The following PAX2 variants were observed in gnomAD, a reference collection of about 807,000 sequenced individuals.
The protein encoded by PAX2 is paired box 2, also known as paired box protein Pax-2.
In PAX2, 9 loss-of-function variants were observed where a neutral mutation model predicts 41.7. That is an observed-to-expected ratio of 0.22 (90% CI 0.13 to 0.38). The LOEUF (loss-of-function observed/expected upper bound fraction) is 0.38, where lower values mean the gene tolerates loss of function less well. Ranked by LOEUF, PAX2 falls within the 10% of genes least tolerant of loss-of-function variation. The pLI is 1.00. For synonymous variants in PAX2, 221 were observed against 212.7 expected, an observed-to-expected ratio of 1.04 and a Z score of -0.34; for missense variants, 418 against 531.6, an observed-to-expected ratio of 0.79 and a Z score of 2.10.
At position 100,750,848 on chromosome 10, in the gene PAX2, A is replaced by G; in HGVS notation, c.367A>G (p.Ile123Val). Residue 123 changes from isoleucine (I) to valine (V), a missense_variant, in exon 3 of 10, where the codon ATC becomes GTC. By Grantham distance (29) the Ile-to-Val change is conservative. Coordinates refer to ENST00000355243, the MANE Select transcript of PAX2 (RefSeq NM_000278.5). This position sits in a 1 kb window ranked among gnomAD's most constrained non-coding sequence, Gnocchi z 4.1. ...TCGAGACCGGCTCCTGGCCGAGGGC[A>G]TCTGTGACAATGACACAGTGCCCAG... ...EIRDRLLAEG[I>V]CDNDTVPSVS... 6.2e-7 allele frequency: 1 copy of G among 1,614,128 alleles called. No homozygotes were observed. Among genetic ancestry groups the G allele is most frequent in the Non-Finnish European group, 8.5e-7 (1 of 1,180,022 alleles).
chr10:100,826,969 C>CT lies in PAX2; in HGVS notation c.1022-38dup, dbSNP rs762374717. On this transcript the variant is annotated intron_variant, in intron 8 of 9. Coordinates refer to ENST00000355243, the MANE Select transcript of PAX2 (RefSeq NM_000278.5). This position sits in a 1 kb window ranked among gnomAD's most constrained non-coding sequence, Gnocchi z 5.5. ...GCCGGACTCGTGGGGTCCGCCCTGG[C>CT]TTGCAGGCGTCTGATCCCCACTCCC... The CT allele has an allele frequency of 4.9e-6, 7 of 1,428,522 alleles. No homozygotes were observed. In the South Asian group the frequency reaches 8.0e-5, roughly 16 times the overall value. 88.5% of individuals were successfully genotyped at this position (1,428,522 alleles called of 1,614,324 possible).
rs1848603670 is a variant in PAX2 at position 100,827,187 on chromosome 10, C to T, written c.1108+92C>T. ...CCCGGCGACCCGACCTCTGGGGACCCGGCCGGGCCAGGGGGACAGGCTTGT... is the reference window on the plus strand; with the variant it reads ...CCCGGCGACCCGACCTCTGGGGACCTGGCCGGGCCAGGGGGACAGGCTTGT... On this transcript the variant is annotated intron_variant, in intron 9 of 9. Transcript: ENST00000355243. This position sits in a 1 kb window ranked among gnomAD's most constrained non-coding sequence, Gnocchi z 8.5. 1 of 1,058,730 alleles carries T rather than the reference C, an allele frequency of 9.4e-7. No individual in the cohort carries two copies. Among genetic ancestry groups the T allele is most frequent in the Admixed American group, 1.8e-5 (1 of 55,344 alleles). The allele number at this position is 1,058,730 out of a possible 1,614,324, so 65.6% of individuals were successfully genotyped here.
At chr10:100,767,468 T>C (rs1468756891) in intron 3 of PAX2, among the ~76,000 whole-genome samples, 4 of 151,994 alleles carry the variant, frequency 2.6e-5, no homozygotes. Context: ...TCGCTGTTAG[T>C]GAAAATGACA....
In PAX2 at chr10:100,745,850, G is replaced by A; in HGVS notation, c.-411G>A. 1.9e-6 allele frequency: 2 copies of A among 1,028,520 alleles called. No homozygotes were observed. The highest frequency in any genetic ancestry group is 2.3e-6 in the Non-Finnish European group (2 of 856,608). 63.7% of individuals were successfully genotyped at this position (1,028,520 alleles called of 1,614,324 possible). ...CTCCCGGCGCCCTCTGACCGCCCCC[G>A]CCCCGCGCGCTCTCCGACCACCGCC... On this transcript the variant is annotated 5_prime_UTR_variant, in exon 1 of 10. Coordinates refer to ENST00000355243, the MANE Select transcript of PAX2 (RefSeq NM_000278.5).
At position 100,826,977 on chromosome 10, in the gene PAX2, C is replaced by T. The variant is rs762673520; in HGVS notation, c.1022-32C>T. On this transcript the variant is annotated intron_variant, in intron 8 of 9. Coordinates refer to ENST00000355243, the MANE Select transcript of PAX2 (RefSeq NM_000278.5). This position sits in a 1 kb window ranked among gnomAD's most constrained non-coding sequence, Gnocchi z 5.5. ...CGTGGGGTCCGCCCTGGCTTGCAGG[C>T]GTCTGATCCCCACTCCCCGACCCTC... 2 of 1,492,700 alleles carry T rather than the reference C, an allele frequency of 1.3e-6. No homozygotes were observed. Among genetic ancestry groups the T allele is most frequent in the East Asian group, 2.3e-5 (1 of 44,240 alleles). The allele number at this position is 1,492,700 out of a possible 1,614,324, so 92.5% of individuals were successfully genotyped here.
intron 3 of PAX2, among the ~76,000 whole-genome samples, chr10:100,773,737 C>CTGCCCCGGCCCCCCAGGT (rs1351809711): frequency 6.6e-6 from 1 of 152,146 alleles, no homozygotes; most frequent in Non-Finnish European, 1.5e-5. Context: ...TGCTCCCAGG[C>CTGCCCCGGCCCCCCAGGT]TGCCCCGGCC....
Position 100,806,446 on chromosome 10 carries a change from A to G in PAX2, c.633A>G (p.Ser211=). ...RKRDEDVSEG[S]VPNGDSQSGV... ...GTTCTCCAGATGTGTCTGAGGGCTCAGTCCCCAATGGAGATTCCCAGAGTG... is the reference window on the plus strand; with the variant it reads ...GTTCTCCAGATGTGTCTGAGGGCTCGGTCCCCAATGGAGATTCCCAGAGTG... Residue 211 remains serine (S), a synonymous_variant, in exon 6 of 10, where the codon TCA becomes TCG. Transcript: ENST00000355243. 1 of 1,614,234 alleles carries G rather than the reference A, an allele frequency of 6.2e-7. No individual in the cohort carries two copies. The highest frequency in any genetic ancestry group is 8.5e-7 in the Non-Finnish European group (1 of 1,180,040).
chr10:100,766,637 A>C (rs1846039870), intron 3 of PAX2, among the ~76,000 whole-genome samples: 1 of 152,224 alleles, frequency 6.6e-6, no homozygotes. Flanking sequence ...ATTTGCTTCC[A>C]AGAAGAATAG....
At chr10:100,772,910 CA>C (rs1464988848) in intron 3 of PAX2, among the ~76,000 whole-genome samples, 1 of 152,172 alleles carries the variant, frequency 6.6e-6, no homozygotes, top group African/African-American at 2.4e-5. Context: ...ATCCAATGTA[CA>C]GGGGTTGTCA....
chr10:100,741,041 T>C (rs1844933950), upstream of PAX2, among the ~76,000 whole-genome samples: 1 of 152,198 alleles, frequency 6.6e-6, no homozygotes, highest in South Asian at 2.1e-4. Context: ...CTTGCATTGT[T>C]GTTGCTCCTC....
intron 1 of PAX2, chr10:100,749,311 C>T (rs1206431727): frequency 6.3e-5 from 63 of 1,004,132 alleles, no homozygotes; most frequent in Non-Finnish European, 7.5e-5. Flanking sequence ...CCAAGCCCCG[C>T]ACGCGCGGAC....
intron 5 of PAX2, among the ~76,000 whole-genome samples, chr10:100,792,726 CCCCT>C (rs1160054359): frequency 6.6e-6 from 1 of 151,266 alleles, no homozygotes; most frequent in Non-Finnish European, 1.5e-5. Flanking sequence ...TCTCTCCCTC[CCCCT>C]CCCTCCCCTC....
At chr10:100,800,016 A>C (rs1589871272) in intron 5 of PAX2, among the ~76,000 whole-genome samples, 1 of 151,614 alleles carries the variant, frequency 6.6e-6, no homozygotes, top group Non-Finnish European at 1.5e-5. Context: ...CGAATTCATG[A>C]CCTTGTGATT....
intron 3 of PAX2, among the ~76,000 whole-genome samples, chr10:100,756,822 C>T (rs1177838549): frequency 2.0e-5 from 3 of 152,168 alleles, no homozygotes; most frequent in South Asian, 4.1e-4. Flanking sequence ...AGCCAGGTGT[C>T]CAGAGCTCAG....
chr10:100,764,541 G>A (rs1845953412), intron 3 of PAX2, among the ~76,000 whole-genome samples: 1 of 152,190 alleles, frequency 6.6e-6, no homozygotes, highest in Non-Finnish European at 1.5e-5. Flanking sequence ...TCCCTCGTGA[G>A]CCCAGATGGA....
At chr10:100,763,297 A>G (rs1213445046) in intron 3 of PAX2, among the ~76,000 whole-genome samples, 1 of 152,234 alleles carries the variant, frequency 6.6e-6, no homozygotes, top group Non-Finnish European at 1.5e-5. Flanking sequence ...TGTCGATATG[A>G]TGCCAAAGAT....
intron 3 of PAX2, among the ~76,000 whole-genome samples, chr10:100,751,187 T>G (rs926841907): frequency 6.6e-6 from 1 of 152,198 alleles, no homozygotes; most frequent in African/African-American, 2.4e-5. Flanking sequence ...CATCCAGCCT[T>G]GGGATCTTGA....
upstream of PAX2, among the ~76,000 whole-genome samples, chr10:100,743,805 G>A (rs930367014): frequency 4.6e-5 from 7 of 152,238 alleles, no homozygotes; most frequent in East Asian, 1.3e-3. Flanking sequence ...GACCTTAGAG[G>A]CTAGGCCCTG....
intron 3 of PAX2, among the ~76,000 whole-genome samples, chr10:100,777,947 A>C (rs1846459497): frequency 6.6e-6 from 1 of 152,160 alleles, no homozygotes. Context: ...ATTCTGGCTG[A>C]CCACTCTGGG....
Sources: gnomAD v4.1 joint callset for allele counts (sites outside exome capture counted in the v4.1 genomes callset) on GRCh38, gnomAD v4.1.1 for gene constraint, Gnocchi (gnomAD v3.1) non-coding constraint, MANE v1.5 for transcripts, NCBI Gene and HGNC (gene_info 2026-07-23, HGNC 2026-07-21) for gene names.